Variants in CBX2 observed in about 807,000 individuals in gnomAD.
CBX2 encodes the protein chromobox 2, also known as chromobox protein homolog 2.
CBX2 carries 11 observed loss-of-function variants against 21.0 expected under a neutral mutation model. The observed-to-expected ratio is 0.52, with a 90% CI of 0.33 to 0.87. The LOEUF is 0.87. CBX2 is among the 40% of genes least tolerant of loss of function. The pLI, the probability that CBX2 is intolerant of heterozygous loss-of-function variation, is 0.02. For missense variants in CBX2, 746 were observed against 724.3 expected (o/e 1.03, Z -0.34); for synonymous variants, 364 against 304.6 (o/e 1.19, Z -2.03).
At position 79,780,456 on chromosome 17, in the gene CBX2, GT is replaced by G. The variant is rs532600359; in HGVS notation, c.182+1031del. Among the ~76,000 whole-genome samples the G allele has an allele frequency of 2.1e-3, 316 of 152,366 alleles. 5 individuals are homozygous for G. Among genetic ancestry groups the G allele is most frequent in the African/African-American group, 7.3e-3 (303 of 41,580 alleles). On this transcript the variant is annotated intron_variant, in intron 3 of 4. Coordinates refer to ENST00000310942, the MANE Select transcript of CBX2 (RefSeq NM_005189.3). The stretch of plus-strand genomic sequence containing the variant: ...TCGTAACAGCAACCCATCGTCTTCT[GT>G]TAGTTCCTGTCTGGGTGCTGTGAGC...
intron 4 of CBX2, chr17:79,782,452 G>C (rs1258836089): frequency 3.1e-6 from 4 of 1,274,586 alleles, no homozygotes; most frequent in Non-Finnish European, 4.0e-6. Flanking sequence ...GAGGACAGGT[G>C]AGGCAGGACA....
intron 3 of CBX2, chr17:79,779,801 T>C (rs889638956): frequency 9.6e-6 from 3 of 314,080 alleles, no homozygotes; most frequent in African/African-American, 2.1e-5. Flanking sequence ...GAGAGCAGGT[T>C]TGCCACAGTG....
At position 79,779,486 on chromosome 17, in the gene CBX2, C is replaced by T. The variant is rs573093068; in HGVS notation, c.182+59C>T. On this transcript the variant is annotated intron_variant, in intron 3 of 4. Transcript: ENST00000310942. ...GGGAGGGACGGTGGCTGGTTGGAGT[C>T]GTGCTGGGCGCTGCTCGCCTGCCGG... 50 of 1,492,274 alleles carry T rather than the reference C, an allele frequency of 3.4e-5. No individual in the cohort carries two copies. The East Asian group carries it at 1.1e-3, about 32-fold the overall frequency. 92.4% of individuals were successfully genotyped at this position (1,492,274 alleles called of 1,614,324 possible). A position where few individuals can be genotyped will look rare whatever the true frequency, so the allele number is the denominator to read the frequency against.
chr17:79,781,928 C>T (rs1555830413), intron 4 of CBX2, 127 bp downstream of exon 4: 16 of 1,614,206 alleles, frequency 9.9e-6, no homozygotes, highest in Non-Finnish European at 1.2e-5. Context: ...TGTCCCTCTA[C>T]TCGGAAAACA....
chr17:79,779,935 T>A (rs1330445462), intron 3 of CBX2, among the ~76,000 whole-genome samples: 1 of 151,808 alleles, frequency 6.6e-6, no homozygotes, highest in Non-Finnish European at 1.5e-5. Flanking sequence ...AAGAAACATT[T>A]ATTTTGCTCT....
chr17:79,783,703 C>G (rs1907402982), intron 4 of CBX2, 29 bp from the exon 5 acceptor site: 1 of 1,544,828 alleles, frequency 6.5e-7, no homozygotes, highest in Admixed American at 2.0e-5. Flanking sequence ...AGCCACTGCA[C>G]CCAGCCAACT....
upstream of CBX2, among the ~76,000 whole-genome samples, chr17:79,777,650 C>G (rs1906815199): frequency 6.6e-6 from 1 of 152,124 alleles, no homozygotes; most frequent in Admixed American, 6.5e-5. Context: ...AGCGACTCCC[C>G]CGCTGCCGAG....
chr17:79,782,110 C>G (rs202012628), intron 4 of CBX2: 7 of 1,613,382 alleles, frequency 4.3e-6, no homozygotes, highest in African/African-American at 1.3e-5. Context: ...CCAGGGGGTC[C>G]TTGGGGGACG....
Position 79,778,471 on chromosome 17 carries a change from C to CG in CBX2, c.116+49dup. 7.5e-7 allele frequency: 1 copy of CG among 1,342,218 alleles called. No individual in the cohort carries two copies. Among genetic ancestry groups the CG allele is most frequent in the East Asian group, 2.9e-5 (1 of 34,326 alleles). 83.1% of individuals were successfully genotyped at this position (1,342,218 alleles called of 1,614,324 possible). ...CGCGCCCCCCTCCCGCCCCCTCGCCCGGGGGTGGGGACGTGGAGCCCCTCG... is the reference window on the plus strand; with the variant it reads ...CGCGCCCCCCTCCCGCCCCCTCGCCCGGGGGGTGGGGACGTGGAGCCCCTCG... On this transcript the variant is annotated intron_variant, in intron 2 of 4. Transcript: ENST00000310942. This position sits in a 1 kb window ranked among gnomAD's most constrained non-coding sequence, Gnocchi z 4.8.
In CBX2 at chr17:79,784,405, T is replaced by G. The variant is rs782112111; in HGVS notation, c.962T>G (p.Val321Gly). ...APSGGAVEQKVGNTGGPPHTH... is the reference protein window; with the variant it reads ...APSGGAVEQKGGNTGGPPHTH... Reference sequence around the variant, plus strand: ...AGCGGTGGGGCTGTGGAGCAGAAAGTGGGGAACACAGGGGGCCCCCCGCAC... The same window carrying G: ...AGCGGTGGGGCTGTGGAGCAGAAAGGGGGGAACACAGGGGGCCCCCCGCAC... Residue 321 changes from valine (V) to glycine (G), a missense_variant, in exon 5 of 5, where the codon GTG becomes GGG. By Grantham distance (109) the Val-to-Gly change is moderately radical. Coordinates refer to ENST00000310942, the MANE Select transcript of CBX2 (RefSeq NM_005189.3). This position sits in a 1 kb window ranked among gnomAD's most constrained non-coding sequence, Gnocchi z 5.9. 1.9e-6 allele frequency: 3 copies of G among 1,611,874 alleles called. No individual in the cohort carries two copies. In the Admixed American group the frequency reaches 5.0e-5, roughly 27 times the overall value.
At chr17:79,779,571 T>C (rs1907011749) in intron 3 of CBX2, 144 bp downstream of exon 3, 1 of 722,438 alleles carries the variant, frequency 1.4e-6, no homozygotes, top group East Asian at 2.7e-5. Flanking sequence ...CAGGGCCATC[T>C]CTGTGGCTGG....
At chr17:79,781,360 G>T (rs1907184968) in intron 3 of CBX2, among the ~76,000 whole-genome samples, 1 of 152,132 alleles carries the variant, frequency 6.6e-6, no homozygotes, top group Admixed American at 6.5e-5. Context: ...GGCCACCGAG[G>T]CCACTTCTGG....
In CBX2 at chr17:79,782,542, G is replaced by A. The variant is rs367858418; in HGVS notation, c.288+741G>A. On this transcript the variant is annotated intron_variant, in intron 4 of 4. Coordinates refer to ENST00000310942, the MANE Select transcript of CBX2 (RefSeq NM_005189.3). The stretch of plus-strand genomic sequence containing the variant: ...CCGGGCACTGTCCCTGGACCTTCGC[G>A]TGTTGTGGCCACGAGCTCAGTCACT... The A allele has an allele frequency of 1.9e-4, 201 of 1,078,592 alleles. No homozygotes were observed. The East Asian group carries it at 4.3e-3, about 23-fold the overall frequency. The allele number at this position is 1,078,592 out of a possible 1,614,324, so 66.8% of individuals were successfully genotyped here.
At chr17:79,779,495 C>A in intron 3 of CBX2, 68 bp downstream of exon 3, 2 of 1,429,618 alleles carry the variant, frequency 1.4e-6, no homozygotes, top group East Asian at 2.3e-5. Flanking sequence ...TCGTGCTGGG[C>A]GCTGCTCGCC....
chr17:79,778,026 G>T (rs1906855174), upstream of CBX2: 2 of 143,788 alleles, frequency 1.4e-5, no homozygotes, highest in South Asian at 4.5e-4. The surrounding 1 kb of genome is among the most constrained non-coding windows in gnomAD (Gnocchi z 4.8). Context: ...CCCCGCACCC[G>T]CCCCCCCTCG....
rs1478543439 is a variant in CBX2 at position 79,778,600 on chromosome 17, C to T, written c.116+173C>T. Among the ~76,000 whole-genome samples, 1 of 151,614 alleles carries T rather than the reference C, an allele frequency of 6.6e-6. No individual in the cohort carries two copies. The highest frequency in any genetic ancestry group is 1.5e-5 in the Non-Finnish European group (1 of 67,824). On this transcript the variant is annotated intron_variant, in intron 2 of 4. Coordinates refer to ENST00000310942, the MANE Select transcript of CBX2 (RefSeq NM_005189.3). This position sits in a 1 kb window ranked among gnomAD's most constrained non-coding sequence, Gnocchi z 4.8. ...TGAGGGGGGCGGGGGCCGCCCGGCC[C>T]GAGGTTGCCCTTTGTTTACACGCCC...
chr17:79,779,502 C>T (rs1907003898), intron 3 of CBX2, 75 bp downstream of exon 3: 5 of 1,375,842 alleles, frequency 3.6e-6, no homozygotes, highest in Admixed American at 1.8e-5. Context: ...GGGCGCTGCT[C>T]GCCTGCCGGG....
chr17:79,778,101 G>A (rs1906864706), upstream of CBX2: 1 of 217,050 alleles, frequency 4.6e-6, no homozygotes, highest in African/African-American at 2.4e-5. This position sits in a 1 kb window ranked among gnomAD's most constrained non-coding sequence, Gnocchi z 4.8. Flanking sequence ...GCGCGGGCGC[G>A]GAGCGGCGGT....
chr17:79,785,233 G>T lies in CBX2; in HGVS notation c.*191G>T. 1 of 616,966 alleles carries T rather than the reference G, an allele frequency of 1.6e-6. No individual in the cohort carries two copies. The highest frequency in any genetic ancestry group is 1.9e-5 in the South Asian group (1 of 53,048). The allele number at this position is 616,966 out of a possible 1,614,324, so 38.2% of individuals were successfully genotyped here. ...CTCTGTCCCAGGACATAGGGCAGGG[G>T]GCCTCACTGCCTTGTTGGTCTCCAC... On this transcript the variant is annotated 3_prime_UTR_variant, in exon 5 of 5. Coordinates refer to ENST00000310942, the MANE Select transcript of CBX2 (RefSeq NM_005189.3).
Sources: gnomAD v4.1 joint callset for allele counts (sites outside exome capture counted in the v4.1 genomes callset) on GRCh38, gnomAD v4.1.1 for gene constraint, Gnocchi (gnomAD v3.1) non-coding constraint, MANE v1.5 for transcripts, NCBI Gene and HGNC (gene_info 2026-07-23, HGNC 2026-07-21) for gene names.